The following RBP7 variants were observed in gnomAD, a reference collection of about 807,000 sequenced individuals.
RBP7 encodes retinol binding protein 7, also known as retinoid-binding protein 7.
A neutral mutation model predicts 16.7 loss-of-function variants in RBP7; 13 were observed. The ratio of observed to expected loss-of-function variants is 0.78; its 90% confidence interval spans 0.51 to 1.24. The LOEUF is 1.24. Among genes scored for constraint, RBP7 ranks in the 50% most tolerant of loss-of-function variants. The probability of loss-of-function intolerance (pLI) is 0.00; values close to 1 mark genes in which losing one functional copy is unlikely to be tolerated. For missense variants in RBP7, 145 were observed against 159.5 expected, an observed-to-expected ratio of 0.91 and a Z score of 0.49; for synonymous variants, 54 against 56.2, an observed-to-expected ratio of 0.96 and a Z score of 0.17.
intron 1 of RBP7, among the ~76,000 whole-genome samples, chr1:10,002,881 A>G (rs935850547): frequency 1.3e-5 from 2 of 152,142 alleles, no homozygotes; most frequent in African/African-American, 4.8e-5. Flanking sequence ...TGAAGTGACA[A>G]TGTTGCAACA....
rs375383772 is a variant in RBP7, at chr1:10,008,262, C to A, written c.342C>A (p.Asp114Glu). The A allele has an allele frequency of 7.2e-5, 115 of 1,601,080 alleles. No individual in the cohort carries two copies. In the East Asian group the frequency reaches 2.2e-3, roughly 31 times the overall value. ...NRGWTHWIEG[D>E]KLHLEMFCEG... The stretch of plus-strand genomic sequence containing the variant: ...GCTGGACCCATTGGATCGAAGGAGA[C>A]AAACTCCACCTGGTATCCACCACAT... The change falls in exon 3 of 4, where the codon GAC (aspartate) becomes GAA (glutamate). Residue 114 changes from aspartate to glutamate, a missense_variant. Transcript: ENST00000294435.
intron 1 of RBP7, among the ~76,000 whole-genome samples, chr1:9,998,290 C>A (rs879902315): frequency 1.3e-5 from 2 of 152,102 alleles, no homozygotes; most frequent in Non-Finnish European, 2.9e-5. Flanking sequence ...CGCGCCCTGC[C>A]ACGAGTGTAG....
At chr1:10,005,860 G>A (rs927763161) in intron 1 of RBP7, among the ~76,000 whole-genome samples, 2 of 152,070 alleles carry the variant, frequency 1.3e-5, no homozygotes, top group African/African-American at 4.8e-5. Flanking sequence ...ACCACGGCTG[G>A]CAGAATCACG....
chr1:10,000,015 G>A (rs1005612161), intron 1 of RBP7, among the ~76,000 whole-genome samples: 2 of 151,762 alleles, frequency 1.3e-5, no homozygotes, highest in African/African-American at 2.4e-5. Context: ...GGATCATGAG[G>A]TCAGGAGTTC....
chr1:10,013,868 T>C (rs1030130170), intron 3 of RBP7, among the ~76,000 whole-genome samples: 1 of 151,868 alleles, frequency 6.6e-6, no homozygotes, highest in Non-Finnish European at 1.5e-5. Context: ...CCCAGCTACT[T>C]GGGTGGCTGA....
intron 1 of RBP7, among the ~76,000 whole-genome samples, chr1:9,999,062 T>G (rs540044177): frequency 6.6e-6 from 1 of 152,248 alleles, no homozygotes; most frequent in Non-Finnish European, 1.5e-5. Flanking sequence ...GGGGTAGTTT[T>G]CCCCACACTG....
intron 1 of RBP7, among the ~76,000 whole-genome samples, chr1:10,004,946 T>A (rs1642399212): frequency 6.6e-6 from 1 of 152,016 alleles, no homozygotes; most frequent in Non-Finnish European, 1.5e-5. Context: ...TGAGCCGAGA[T>A]TGCACCACTG....
At chr1:9,998,333 G>A (rs1642208424) in intron 1 of RBP7, among the ~76,000 whole-genome samples, 1 of 151,736 alleles carries the variant, frequency 6.6e-6, no homozygotes, top group South Asian at 2.1e-4. Flanking sequence ...CTGGGAAGTT[G>A]CCGTGCCGGC....
chr1:10,014,978 T>C (rs768810656), intron 3 of RBP7, among the ~76,000 whole-genome samples: 1 of 151,874 alleles, frequency 6.6e-6, no homozygotes, highest in Non-Finnish European at 1.5e-5. Context: ...TGTCAGAGAG[T>C]TGGAGAAGTG....
At chr1:10,002,755 C>T (rs1012880906) in intron 1 of RBP7, among the ~76,000 whole-genome samples, 5 of 152,130 alleles carry the variant, frequency 3.3e-5, no homozygotes, top group African/African-American at 7.2e-5. Context: ...CTGCCTGCCT[C>T]GGCTTCCCAA....
At chr1:10,003,479 G>T (rs921125685) in intron 1 of RBP7, among the ~76,000 whole-genome samples, 1 of 152,122 alleles carries the variant, frequency 6.6e-6, no homozygotes, top group Non-Finnish European at 1.5e-5. Context: ...CCCTTACTCT[G>T]CATGTAACTA....
At chr1:9,998,411 T>TTTCTTTC (rs1557482710) in intron 1 of RBP7, among the ~76,000 whole-genome samples, 47 of 25,754 alleles carry the variant, frequency 1.8e-3, no homozygotes, top group Non-Finnish European at 0.01. Context: ...TTCTTTCTTT[T>TTTCTTTC]TTTTTTTTTT....
At chr1:10,004,255 A>G (rs956933923) in intron 1 of RBP7, 2 of 151,196 alleles carry the variant, frequency 1.3e-5, no homozygotes, top group Non-Finnish European at 2.9e-5. Flanking sequence ...TATTTTTAGT[A>G]GAGACGGGGT....
chr1:10,001,882 G>T (rs751346293), intron 1 of RBP7, among the ~76,000 whole-genome samples: 53 of 151,750 alleles, frequency 3.5e-4, no homozygotes, highest in Non-Finnish European at 6.0e-4. Flanking sequence ...AGTCTGGAGT[G>T]CAGTGGCACG....
Position 10,008,203 on chromosome 1 carries a change from A to G in RBP7, c.283A>G (p.Thr95Ala), listed in dbSNP as rs145618174. 3.6e-4 allele frequency: 588 copies of G among 1,612,336 alleles called. No homozygotes were observed. The highest frequency in any genetic ancestry group is 4.8e-4 in the Admixed American group (29 of 59,976). ...SLVIWDNDRLTCIQKGEKKNR... is the reference protein window; with the variant it reads ...SLVIWDNDRLACIQKGEKKNR... ...GGTTATCTGGGACAATGACAGGCTC[A>G]CCTGTATCCAGAAGGGAGAAAAGAA... The change falls in exon 3 of 4, where the codon ACC becomes GCC. Residue 95 changes from threonine (T) to alanine (A), a missense_variant. Coordinates refer to ENST00000294435, the MANE Select transcript of RBP7 (RefSeq NM_052960.3).
chr1:10,014,348 T>C (rs1642714126), intron 3 of RBP7, among the ~76,000 whole-genome samples: 1 of 152,146 alleles, frequency 6.6e-6, no homozygotes, highest in African/African-American at 2.4e-5. Context: ...TATGCGTCTC[T>C]TCCATCAGGC....
intron 1 of RBP7, among the ~76,000 whole-genome samples, chr1:9,998,490 C>T (rs985589657): frequency 6.8e-6 from 1 of 147,412 alleles, no homozygotes; most frequent in African/African-American, 2.5e-5. Context: ...TCACTGCAAG[C>T]TCCGCCTACC....
chr1:10,008,258 G>A lies in RBP7; in HGVS notation c.338G>A (p.Gly113Glu). 1 of 1,606,944 alleles carries A rather than the reference G, an allele frequency of 6.2e-7. No individual in the cohort carries two copies. ...AGAGGCTGGACCCATTGGATCGAAG[G>A]AGACAAACTCCACCTGGTATCCACC... ...KNRGWTHWIE[G>E]DKLHLEMFCE... Residue 113 changes from glycine to glutamate, a missense_variant, in exon 3 of 4, where the codon GGA becomes GAA. Coordinates refer to ENST00000294435, the MANE Select transcript of RBP7 (RefSeq NM_052960.3).
intron 3 of RBP7, among the ~76,000 whole-genome samples, chr1:10,010,260 T>G (rs1345178715): frequency 6.9e-6 from 1 of 144,918 alleles, no homozygotes; most frequent in Non-Finnish European, 1.5e-5. Context: ...AGACTACAGG[T>G]GCATGCCACG....
Sources: allele counts gnomAD v4.1 joint callset (sites outside exome capture counted in the v4.1 genomes callset), GRCh38; gene constraint gnomAD v4.1.1; transcripts MANE v1.5; gene names NCBI Gene and HGNC (gene_info 2026-07-23, HGNC 2026-07-21).